The following ILRUN variants were observed in gnomAD, a reference collection of about 807,000 sequenced individuals.
ILRUN encodes the protein inflammation and lipid regulator with UBA-like and NBR1-like domains.
A neutral mutation model predicts 33.8 loss-of-function variants in ILRUN; 3 were observed. That is an observed-to-expected ratio of 0.09 (90% confidence interval 0.04 to 0.23). The LOEUF is 0.23. ILRUN is among the 10% of genes least tolerant of loss of function. The pLI is 1.00. For missense variants in ILRUN, 210 were observed against 375.1 expected (o/e 0.56, Z 3.64); for synonymous variants, 124 against 138.9 (o/e 0.89, Z 0.75).
At chr6:34,674,078 A>T (rs1763177000) in intron 1 of ILRUN, among the ~76,000 whole-genome samples, 1 of 152,158 alleles carries the variant, frequency 6.6e-6, no homozygotes. Flanking sequence ...CCCACGCTGG[A>T]GGGCAGTGGT....
intron 1 of ILRUN, 112 bp downstream of exon 1, chr6:34,696,334 G>C: frequency 8.7e-7 from 1 of 1,146,258 alleles, no homozygotes; most frequent in Non-Finnish European, 1.2e-6. Flanking sequence ...CCGGGAAGGG[G>C]TGGCCCTCAG....
chr6:34,616,475 T>A (rs1369530701), intron 3 of ILRUN: 3 of 687,864 alleles, frequency 4.4e-6, no homozygotes, highest in Non-Finnish European at 5.0e-6. Context: ...GAAAGTGGAC[T>A]GAAACATGCC....
chr6:34,647,806 G>A lies in ILRUN; in HGVS notation c.314-1008C>T, dbSNP rs6921954. On this transcript the variant is annotated intron_variant, in intron 2 of 4. Transcript: ENST00000374023. ...TCTCGAACTGCTGACCTCATGATCC[G>A]TCTGCCTCAGCCTCCCAAAGTGCTG... 6.6e-3 allele frequency among the ~76,000 whole-genome samples: 1,010 copies of A among 152,108 alleles called. 12 individuals are homozygous for A. Among genetic ancestry groups the A allele is most frequent in the African/African-American group, 0.021 (858 of 41,482 alleles).
At chr6:34,620,483 A>C (rs1043024622) in intron 3 of ILRUN, among the ~76,000 whole-genome samples, 2 of 152,218 alleles carry the variant, frequency 1.3e-5, no homozygotes, top group African/African-American at 4.8e-5. Context: ...CAATGACAGC[A>C]AATTGAAGGC....
intron 3 of ILRUN, among the ~76,000 whole-genome samples, chr6:34,643,268 C>T (rs2127357662): frequency 6.6e-6 from 1 of 151,024 alleles, no homozygotes; most frequent in Non-Finnish European, 1.5e-5. Context: ...CACTGTACTC[C>T]AGCCTGGGCG....
At chr6:34,651,292 C>G (rs189754194) in intron 2 of ILRUN, among the ~76,000 whole-genome samples, 1 of 152,222 alleles carries the variant, frequency 6.6e-6, no homozygotes, top group Non-Finnish European at 1.5e-5. Flanking sequence ...CACAAGAATG[C>G]CCTTTCACAC....
chr6:34,666,617 C>G (rs1285940232), intron 1 of ILRUN, among the ~76,000 whole-genome samples: 1 of 152,114 alleles, frequency 6.6e-6, no homozygotes. Flanking sequence ...CTAGATGGAA[C>G]TTGGAAAAAG....
intron 3 of ILRUN, among the ~76,000 whole-genome samples, chr6:34,625,145 G>T (rs1050546213): frequency 2.6e-5 from 4 of 152,150 alleles, no homozygotes; most frequent in Admixed American, 2.6e-4. Context: ...CAACAAAGCA[G>T]AACTTCCTTA....
In ILRUN at chr6:34,587,858, T is replaced by C; in HGVS notation, c.*2707A>G. The C allele has an allele frequency of 2.5e-6, 1 of 393,122 alleles. No homozygotes were observed. The highest frequency in any genetic ancestry group is 3.6e-5 in the East Asian group (1 of 27,680). The allele number at this position is 393,122 out of a possible 1,614,324, so 24.4% of individuals were successfully genotyped here. ...CAGATTCTTCCCAAGTCTGAACCCC[T>C]CTGTCTCCCCAACTGGGTTCAGACC... On this transcript the variant is annotated 3_prime_UTR_variant, in exon 5 of 5. Coordinates refer to ENST00000374023, the MANE Select transcript of ILRUN (RefSeq NM_024294.4).
In ILRUN at chr6:34,642,825, C is replaced by CAAAAAAAAAAAA; in HGVS notation, c.511+3764_511+3775dup. Among the ~76,000 whole-genome samples the CAAAAAAAAAAAA allele has an allele frequency of 4.7e-5, 2 of 42,994 alleles. 1 individual carries two copies. 28.2% of individuals were successfully genotyped at this position (42,994 alleles called of 152,430 possible). A position where few individuals can be genotyped will look rare whatever the true frequency, so the allele number is the denominator to read the frequency against. On this transcript the variant is annotated intron_variant, in intron 3 of 4. Transcript: ENST00000374023. ...CAACATAGGGAGGTCCCGTCTCTAC[C>CAAAAAAAAAAAA]AAAAAAAAAAAAAAAAAAAAAAAAA...
intron 3 of ILRUN, among the ~76,000 whole-genome samples, chr6:34,626,403 T>C (rs952338211): frequency 3.3e-5 from 5 of 151,922 alleles, no homozygotes; most frequent in Non-Finnish European, 7.4e-5. Context: ...CTCAAACTCC[T>C]AGGCCTCAAG....
At chr6:34,617,504 C>T (rs905687920) in intron 3 of ILRUN, among the ~76,000 whole-genome samples, 4 of 152,166 alleles carry the variant, frequency 2.6e-5, no homozygotes, top group Non-Finnish European at 5.9e-5. Flanking sequence ...ACAGTAGCCA[C>T]GCTCCCCTGA....
chr6:34,650,347 TTC>T (rs1400950731), intron 2 of ILRUN, among the ~76,000 whole-genome samples: 1 of 152,076 alleles, frequency 6.6e-6, no homozygotes, highest in African/African-American at 2.4e-5. Flanking sequence ...TCAGTTCTGC[TTC>T]TGCAAATCTA....
chr6:34,681,399 A>C (rs1763355221), intron 1 of ILRUN, among the ~76,000 whole-genome samples: 1 of 152,228 alleles, frequency 6.6e-6, no homozygotes, highest in African/African-American at 2.4e-5. Flanking sequence ...AACACCATTT[A>C]CTAAATCAAT....
At chr6:34,691,208 G>A (rs529945107) in intron 1 of ILRUN, among the ~76,000 whole-genome samples, 102 of 152,238 alleles carry the variant, frequency 6.7e-4, no homozygotes, top group African/African-American at 2.2e-3. Context: ...AATCTCTTAA[G>A]TCAGTTTCCG....
chr6:34,687,371 C>A (rs1763543880), intron 1 of ILRUN, among the ~76,000 whole-genome samples: 1 of 152,102 alleles, frequency 6.6e-6, no homozygotes, highest in African/African-American at 2.4e-5. Flanking sequence ...AGGTACCAAT[C>A]CATACCCACT....
At chr6:34,656,980 A>C (rs758844291) in intron 1 of ILRUN, among the ~76,000 whole-genome samples, 1 of 152,222 alleles carries the variant, frequency 6.6e-6, no homozygotes, top group Non-Finnish European at 1.5e-5. Flanking sequence ...TGTCTAGCTG[A>C]CAGTGATCTA....
At chr6:34,667,186 A>G (rs1763024074) in intron 1 of ILRUN, among the ~76,000 whole-genome samples, 3 of 152,206 alleles carry the variant, frequency 2.0e-5, no homozygotes, top group Admixed American at 2.0e-4. Flanking sequence ...ATCCCCAAAT[A>G]ATGTAAACAT....
intron 3 of ILRUN, among the ~76,000 whole-genome samples, chr6:34,620,733 G>C (rs1448687469): frequency 6.6e-6 from 1 of 152,192 alleles, no homozygotes; most frequent in African/African-American, 2.4e-5. Flanking sequence ...GGAGGCTGAG[G>C]TGGGAGGACT....
Sources: gnomAD v4.1 joint callset for allele counts (sites outside exome capture counted in the v4.1 genomes callset) on GRCh38, gnomAD v4.1.1 for gene constraint, MANE v1.5 for transcripts, NCBI Gene and HGNC (gene_info 2026-07-23, HGNC 2026-07-21) for gene names.